The following ADTRP variants were observed in gnomAD, a reference collection of about 807,000 sequenced individuals.
ADTRP encodes androgen dependent TFPI regulating protein.
A neutral mutation model predicts 27.0 loss-of-function variants in ADTRP; 20 were observed. That is an observed-to-expected ratio of 0.74 (90% CI 0.52 to 1.08). ADTRP has a LOEUF of 1.08. ADTRP is among the 50% of genes least tolerant of loss of function. The pLI is 0.00. For missense variants in ADTRP, 251 were observed against 275.0 expected, an observed-to-expected ratio of 0.91 and a Z score of 0.62; for synonymous variants, 101 against 105.2, an observed-to-expected ratio of 0.96 and a Z score of 0.25.
chr6:11,717,983 T>C (rs370237199), intron 5 of ADTRP, among the ~76,000 whole-genome samples: 15 of 152,382 alleles, frequency 9.8e-5, no homozygotes, highest in African/African-American at 3.1e-4. Flanking sequence ...ACAAACCTCA[T>C]CTAATTCCTT....
intron 3 of ADTRP, among the ~76,000 whole-genome samples, chr6:11,756,971 A>G (rs1038641727): frequency 7.9e-5 from 12 of 152,348 alleles, no homozygotes; most frequent in South Asian, 2.1e-4. Context: ...TCACTATTTG[A>G]TAGCAACTAA....
chr6:11,754,072 C>T (rs1162729408), intron 3 of ADTRP, among the ~76,000 whole-genome samples: 5 of 152,202 alleles, frequency 3.3e-5, no homozygotes, highest in Non-Finnish European at 5.9e-5. Flanking sequence ...CTGCACTCAA[C>T]GTAGAATCCC....
In ADTRP at chr6:11,768,249, C is replaced by T. The variant is rs138175677; in HGVS notation, c.288G>A (p.Thr96=). ...TTATGTACACATCTTTGAAACTTACCGTGGATACAGGAAAAGCCAGAGTGG... is the reference window on the plus strand; with the variant it reads ...TTATGTACACATCTTTGAAACTTACTGTGGATACAGGAAAAGCCAGAGTGG... ...LFTTLAFPVS[T]FVFLAFWILF... The change falls in exon 2 of 6, where the codon ACG becomes ACA. Residue 96 remains threonine, a splice_region_variant and synonymous_variant. Transcript: ENST00000414691. 2.2e-3 allele frequency: 3,550 copies of T among 1,614,012 alleles called. 9 individuals are homozygous for T. Among genetic ancestry groups the T allele is most frequent in the Non-Finnish European group, 2.7e-3 (3,177 of 1,179,994 alleles).
At chr6:11,770,310 C>T (rs951415503) in intron 1 of ADTRP, among the ~76,000 whole-genome samples, 2 of 152,110 alleles carry the variant, frequency 1.3e-5, no homozygotes, top group African/African-American at 2.4e-5. Flanking sequence ...ATTCTAATCA[C>T]GGGCAGCTGA....
intron 1 of ADTRP, among the ~76,000 whole-genome samples, chr6:11,775,501 A>G (rs1487849053): frequency 2.0e-5 from 3 of 152,056 alleles, no homozygotes; most frequent in African/African-American, 4.8e-5. Flanking sequence ...AATTGTAACC[A>G]TTGTGAAATA....
intron 5 of ADTRP, 132 bp from the exon 6 acceptor site, chr6:11,714,644 G>T: frequency 2.0e-6 from 2 of 1,003,378 alleles, no homozygotes; most frequent in Non-Finnish European, 3.0e-6. Flanking sequence ...GTGACAAGAT[G>T]CAGTTTAAGG....
chr6:11,740,040 T>G (rs935909908), intron 3 of ADTRP, among the ~76,000 whole-genome samples: 3 of 152,208 alleles, frequency 2.0e-5, no homozygotes, highest in African/African-American at 7.2e-5. Flanking sequence ...CTATCTCTTG[T>G]GTTGAGTTTG....
rs56245898 is a variant in ADTRP at position 11,745,170 on chromosome 6, A to ATCTCTC, written c.391-9493_391-9488dup. 2.9e-3 allele frequency among the ~76,000 whole-genome samples: 431 copies of ATCTCTC among 147,898 alleles called. 3 individuals carry two copies. Among genetic ancestry groups the ATCTCTC allele is most frequent in the South Asian group, 9.5e-3 (43 of 4,516 alleles). ...TAATCAGTTGATTTAGGGTTAGTCA[A>ATCTCTC]TCTCTCTCTCTCTCTCTCTCTCTCT... On this transcript the variant is annotated intron_variant, in intron 3 of 5. Coordinates refer to ENST00000414691, the MANE Select transcript of ADTRP (RefSeq NM_032744.4).
chr6:11,728,901 A>G (rs1331083000), intron 4 of ADTRP, among the ~76,000 whole-genome samples: 1 of 152,132 alleles, frequency 6.6e-6, no homozygotes, highest in African/African-American at 2.4e-5. Context: ...ATCTCACTTT[A>G]CTAATACTTT....
chr6:11,746,674 G>T (rs1234553356), intron 3 of ADTRP, among the ~76,000 whole-genome samples: 1 of 152,190 alleles, frequency 6.6e-6, no homozygotes, highest in South Asian at 2.1e-4. Flanking sequence ...AAGAGGGAAA[G>T]AACTATTTAG....
At chr6:11,715,464 C>T (rs1409913525) in intron 5 of ADTRP, among the ~76,000 whole-genome samples, 1 of 152,122 alleles carries the variant, frequency 6.6e-6, no homozygotes, top group Non-Finnish European at 1.5e-5. Context: ...ATCATGCAGT[C>T]CTCATGGCTA....
chr6:11,767,349 C>A (rs879527750), intron 2 of ADTRP, among the ~76,000 whole-genome samples: 13 of 152,150 alleles, frequency 8.5e-5, no homozygotes, highest in Non-Finnish European at 1.6e-4. Flanking sequence ...CTCCCCTACC[C>A]CCCAAAACCA....
At chr6:11,763,113 C>T (rs1763445194) in intron 3 of ADTRP, among the ~76,000 whole-genome samples, 1 of 152,212 alleles carries the variant, frequency 6.6e-6, no homozygotes, top group Admixed American at 6.5e-5. Context: ...ATGCAAATAT[C>T]TCACTGATGT....
At chr6:11,755,887 C>T (rs1763200663) in intron 3 of ADTRP, among the ~76,000 whole-genome samples, 1 of 152,186 alleles carries the variant, frequency 6.6e-6, no homozygotes, top group Non-Finnish European at 1.5e-5. Flanking sequence ...TTTGGCAATG[C>T]TCTGAACAAG....
chr6:11,714,175 A>G lies in ADTRP; in HGVS notation c.*303T>C, dbSNP rs780002086. The G allele has an allele frequency of 1.1e-5, 4 of 373,776 alleles. No homozygotes were observed. Among genetic ancestry groups the G allele is most frequent in the Non-Finnish European group, 2.0e-5 (4 of 204,648 alleles). The allele number at this position is 373,776 out of a possible 1,614,324, so 23.2% of individuals were successfully genotyped here. A position where few individuals can be genotyped will look rare whatever the true frequency, so the allele number is the denominator to read the frequency against. ...TCTCTCTCTCTAGATGTTCTCTAAC[A>G]CCAAGTTTATGTGAGTTTCTTTGGC... is the stretch of plus-strand genomic sequence containing the variant. On this transcript the variant is annotated 3_prime_UTR_variant, in exon 6 of 6. Transcript: ENST00000414691.
rs1166384194 is a variant in ADTRP, at chr6:11,758,582, G to GGT, written c.390+7691_390+7692insAC. 1.0e-4 allele frequency among the ~76,000 whole-genome samples: 12 copies of GGT among 117,516 alleles called. 1 individual carries two copies. The highest frequency in any genetic ancestry group is 1.5e-4 in the African/African-American group (5 of 32,630). The allele number at this position is 117,516 out of a possible 152,430, so 77.1% of individuals were successfully genotyped here. On this transcript the variant is annotated intron_variant, in intron 3 of 5. Transcript: ENST00000414691. The stretch of plus-strand genomic sequence containing the variant: ...CCGGGGACTGTTGTGGGGTGGGGGG[G>GGT]GGGGACGGATAGCATTAGGAGGTAT...
At chr6:11,778,545 G>T (rs936112223) in intron 1 of ADTRP, 62 bp downstream of exon 1, 4 of 1,522,898 alleles carry the variant, frequency 2.6e-6, no homozygotes, top group Non-Finnish European at 3.6e-6. Flanking sequence ...AAGATGATAT[G>T]TGTGGCAGCA....
intron 4 of ADTRP, among the ~76,000 whole-genome samples, chr6:11,732,549 C>T (rs554285543): frequency 1.8e-4 from 27 of 152,306 alleles, no homozygotes; most frequent in East Asian, 1.5e-3. Context: ...CTAACCAGGG[C>T]GTGAGCAGAA....
intron 3 of ADTRP, among the ~76,000 whole-genome samples, chr6:11,739,184 A>G (rs1221912958): frequency 6.6e-6 from 1 of 152,268 alleles, no homozygotes; most frequent in Non-Finnish European, 1.5e-5. Flanking sequence ...TCTGTATTTC[A>G]ATTAACAGTT....
Sources: gnomAD v4.1 joint callset for allele counts (sites outside exome capture counted in the v4.1 genomes callset) on GRCh38, gnomAD v4.1.1 for gene constraint, MANE v1.5 for transcripts, NCBI Gene and HGNC (gene_info 2026-07-23, HGNC 2026-07-21) for gene names.